Variants in NEK7 observed in about 807,000 individuals in gnomAD.
NEK7 encodes NIMA related kinase 7, also known as serine/threonine-protein kinase Nek7.
NEK7 carries 18 observed loss-of-function variants against 44.6 expected under a neutral mutation model. That is an observed-to-expected ratio of 0.40 (90% CI 0.28 to 0.60). The LOEUF (loss-of-function observed/expected upper bound fraction) is 0.60, where lower values mean the gene tolerates loss of function less well. Ranked by LOEUF, NEK7 falls within the 20% of genes least tolerant of loss-of-function variation. The pLI, the probability that NEK7 is intolerant of heterozygous loss-of-function variation, is 0.38. For synonymous variants in NEK7, 130 were observed against 121.1 expected (o/e 1.07, Z -0.48); for missense variants, 256 against 366.5 (o/e 0.70, Z 2.46).
At chr1:198,210,697 G>A (rs1571534875) in intron 1 of NEK7, among the ~76,000 whole-genome samples, 1 of 146,484 alleles carries the variant, frequency 6.8e-6, no homozygotes, top group African/African-American at 2.5e-5. Context: ...ATTTTGATAG[G>A]CTATCAACTG....
At chr1:198,205,548 G>C (rs548089518) in intron 1 of NEK7, among the ~76,000 whole-genome samples, 2 of 152,208 alleles carry the variant, frequency 1.3e-5, no homozygotes, top group African/African-American at 4.8e-5. Context: ...TATGCACTCA[G>C]GATTACTTGG....
At chr1:198,161,497 A>C (rs1321828147) in intron 1 of NEK7, among the ~76,000 whole-genome samples, 2 of 152,146 alleles carry the variant, frequency 1.3e-5, no homozygotes, top group Non-Finnish European at 2.9e-5. Flanking sequence ...GTGCTATGCC[A>C]TTGATGTTTG....
intron 3 of NEK7, among the ~76,000 whole-genome samples, chr1:198,254,381 A>G (rs1393384262): frequency 6.6e-6 from 1 of 152,134 alleles, no homozygotes; most frequent in African/African-American, 2.4e-5. Context: ...AATTTCTAAA[A>G]TAGTCTATTG....
At chr1:198,315,308 C>T (rs748167904) in intron 9 of NEK7, among the ~76,000 whole-genome samples, 84 of 152,302 alleles carry the variant, frequency 5.5e-4, no homozygotes, top group Non-Finnish European at 1.1e-3. Context: ...GCATGGTGCG[C>T]GCACCCACTG....
intron 1 of NEK7, among the ~76,000 whole-genome samples, chr1:198,165,396 A>T (rs1234730692): frequency 6.6e-6 from 1 of 152,240 alleles, no homozygotes; most frequent in Non-Finnish European, 1.5e-5. Flanking sequence ...AGATAAGAAG[A>T]CTTGAAAGTG....
At chr1:198,157,512 T>C (rs1663937567) in intron 1 of NEK7, among the ~76,000 whole-genome samples, 1 of 152,110 alleles carries the variant, frequency 6.6e-6, no homozygotes, top group Non-Finnish European at 1.5e-5. Context: ...TGGCCCCGGC[T>C]CTAGAGGCCC....
intron 9 of NEK7, among the ~76,000 whole-genome samples, chr1:198,314,688 G>A (rs1027266720): frequency 3.3e-5 from 5 of 151,944 alleles, no homozygotes; most frequent in Non-Finnish European, 5.9e-5. Context: ...TTGAGTACCC[G>A]GCCGTGTGAG....
intron 3 of NEK7, among the ~76,000 whole-genome samples, chr1:198,258,288 A>T (rs1229041529): frequency 1.3e-5 from 2 of 152,092 alleles, no homozygotes; most frequent in African/African-American, 4.8e-5. Context: ...AAAATACAAA[A>T]ATTAGCTGGG....
Position 198,278,971 on chromosome 1 carries a change from G to GT in NEK7, c.500dup (p.Phe168ValfsTer43). 6.2e-7 allele frequency: 1 copy of GT among 1,604,118 alleles called. No individual in the cohort carries two copies. Among genetic ancestry groups the GT allele is most frequent in the African/African-American group, 1.3e-5 (1 of 74,618 alleles). Reference sequence around the variant, plus strand: ...ATTCACAGATATAAAACCAGCTAATGTGTTCATTACAGCCACTGGGGTGGT... The same window carrying GT: ...ATTCACAGATATAAAACCAGCTAATGTTGTTCATTACAGCCACTGGGGTGGT... On this transcript the variant is annotated frameshift_variant, in exon 7 of 10. Transcript: ENST00000367385. LOFTEE classifies it high-confidence loss of function.
intron 2 of NEK7, among the ~76,000 whole-genome samples, chr1:198,233,090 A>AG (rs1228178632): frequency 1.4e-5 from 2 of 142,980 alleles, no homozygotes; most frequent in East Asian, 3.0e-4. Context: ...GGGAAGGAAG[A>AG]GGAAAAAAAA....
At chr1:198,236,783 C>T (rs1346948820) in intron 2 of NEK7, among the ~76,000 whole-genome samples, 1 of 152,172 alleles carries the variant, frequency 6.6e-6, no homozygotes, top group Non-Finnish European at 1.5e-5. Flanking sequence ...TGCTACTATG[C>T]TATTACTTCT....
chr1:198,321,362 A>G lies in NEK7; in HGVS notation c.*1840A>G, dbSNP rs879128725. ...ATGACTTTTAACATTTATACTGAGC[A>G]TCCATAGATATATTCCTAGAAGTAT... is the stretch of plus-strand genomic sequence containing the variant. On this transcript the variant is annotated 3_prime_UTR_variant, in exon 10 of 10. Coordinates refer to ENST00000367385, the MANE Select transcript of NEK7 (RefSeq NM_133494.3). 6.6e-6 allele frequency: 1 copy of G among 152,124 alleles called. No individual in the cohort carries two copies. The highest frequency in any genetic ancestry group is 2.4e-5 in the African/African-American group (1 of 41,440). 9.4% of individuals were successfully genotyped at this position (152,124 alleles called of 1,614,324 possible). A position where few individuals can be genotyped will look rare whatever the true frequency, so the allele number is the denominator to read the frequency against.
chr1:198,305,550 T>G (rs1186163671), intron 9 of NEK7, among the ~76,000 whole-genome samples: 1 of 152,150 alleles, frequency 6.6e-6, no homozygotes, highest in Non-Finnish European at 1.5e-5. Flanking sequence ...AAGTTTGTAA[T>G]CCGGAGTAAA....
intron 1 of NEK7, among the ~76,000 whole-genome samples, chr1:198,215,305 G>A (rs1305247528): frequency 6.6e-6 from 1 of 152,046 alleles, no homozygotes; most frequent in Non-Finnish European, 1.5e-5. Flanking sequence ...CATGATGACT[G>A]GAACAGTACC....
chr1:198,159,244 T>C (rs1664021427), intron 1 of NEK7, among the ~76,000 whole-genome samples: 1 of 152,066 alleles, frequency 6.6e-6, no homozygotes, highest in Non-Finnish European at 1.5e-5. Flanking sequence ...GTTAGTTCTT[T>C]TTCTAGGGAT....
chr1:198,244,593 A>G (rs913296271), intron 2 of NEK7, among the ~76,000 whole-genome samples: 8 of 152,110 alleles, frequency 5.3e-5, no homozygotes, highest in African/African-American at 1.9e-4. Flanking sequence ...AGTTAGTAAG[A>G]TCTCGTGTTA....
chr1:198,256,514 A>G (rs1653270836), intron 3 of NEK7: 3 of 1,540,216 alleles, frequency 1.9e-6, no homozygotes, highest in Middle Eastern at 2.2e-4. Flanking sequence ...TAATAAAACA[A>G]TTTTGAAATT....
intron 9 of NEK7, among the ~76,000 whole-genome samples, chr1:198,315,875 A>T (rs921089646): frequency 2.0e-5 from 3 of 152,216 alleles, no homozygotes; most frequent in Non-Finnish European, 4.4e-5. Context: ...GAAGTATGGG[A>T]ACAGAGCCTG....
chr1:198,221,259 T>C (rs116940309), intron 1 of NEK7: 1 of 152,130 alleles, frequency 6.6e-6, no homozygotes, highest in East Asian at 1.9e-4. Context: ...GAAGTCCGTT[T>C]GAACAACTAG....
Sources: gnomAD v4.1 joint callset for allele counts (sites outside exome capture counted in the v4.1 genomes callset) on GRCh38, gnomAD v4.1.1 for gene constraint, MANE v1.5 for transcripts, NCBI Gene and HGNC (gene_info 2026-07-23, HGNC 2026-07-21) for gene names.